CNTNAP4: variants seen among roughly 807,000 people sequenced by gnomAD.
The protein encoded by CNTNAP4 is contactin associated protein family member 4, also known as contactin-associated protein-like 4.
A neutral mutation model predicts 148.4 loss-of-function variants in CNTNAP4; 98 were observed. The observed-to-expected ratio is 0.66, with a 90% CI of 0.56 to 0.78. CNTNAP4 has a LOEUF of 0.78. Among genes scored for constraint, CNTNAP4 ranks in the 30% least tolerant of loss-of-function variants. The pLI, the probability that CNTNAP4 is intolerant of heterozygous loss-of-function variation, is 0.00. For synonymous variants in CNTNAP4, 730 were observed against 565.1 expected (o/e 1.29, Z -4.14); for missense variants, 1,935 against 1,565.6 (o/e 1.24, Z -3.98).
rs1278992559 is a variant in CNTNAP4, at chr16:76,277,767, T to C, written c.85+20T>C. 2 of 1,481,318 alleles carry C rather than the reference T, an allele frequency of 1.4e-6. No individual in the cohort carries two copies. Among genetic ancestry groups the C allele is most frequent in the South Asian group, 1.2e-5 (1 of 84,042 alleles). 91.8% of individuals were successfully genotyped at this position (1,481,318 alleles called of 1,614,324 possible). On this transcript the variant is annotated intron_variant, in intron 1 of 23. Coordinates refer to ENST00000611870, the MANE Select transcript of CNTNAP4 (RefSeq NM_033401.5). ...ATTCCTGTAAGTATACAGCAAATGA[T>C]TTAAAACTTGCTGGGGGGCTCTCTG...
intron 21 of CNTNAP4, among the ~76,000 whole-genome samples, chr16:76,545,806 G>A (rs2084697109): frequency 6.6e-6 from 1 of 152,176 alleles, no homozygotes; most frequent in Non-Finnish European, 1.5e-5. Context: ...GGGAGGCCGA[G>A]GTGGATGGAT....
chr16:76,448,757 C>T lies in CNTNAP4; in HGVS notation c.743-10C>T, dbSNP rs760646138. On this transcript the variant is annotated splice_polypyrimidine_tract_variant and intron_variant, in intron 5 of 23. Transcript: ENST00000611870. ...CAATAATGGTGCTGTTATTTTTCTCCTCTTCTAAGGTGAAGCTAAACTGCC... is the reference window on the plus strand; with the variant it reads ...CAATAATGGTGCTGTTATTTTTCTCTTCTTCTAAGGTGAAGCTAAACTGCC... 5 of 1,551,610 alleles carry T rather than the reference C, an allele frequency of 3.2e-6. No homozygotes were observed. Among genetic ancestry groups the T allele is most frequent in the Non-Finnish European group, 1.7e-6 (2 of 1,149,942 alleles).
In CNTNAP4 at chr16:76,558,571, A is replaced by G. The variant is rs1195133774; in HGVS notation, c.3815A>G (p.Lys1272Arg). 6.2e-7 allele frequency: 1 copy of G among 1,612,894 alleles called. No homozygotes were observed. Among genetic ancestry groups the G allele is most frequent in the East Asian group, 2.2e-5 (1 of 44,866 alleles). Residue 1272 changes from lysine (K) to arginine (R), a missense_variant, in exon 24 of 24, where the codon AAA (lysine) becomes AGA (arginine). Transcript: ENST00000611870. ...ATTTATCAGCAGAAAAGGTTATATA[A>G]AAGAAGTGAGGCAAAAAGGTCAGAG... ...VRIYQQKRLY[K>R]RSEAKRSENV...
intron 3 of CNTNAP4, among the ~76,000 whole-genome samples, chr16:76,378,115 A>G (rs1195503949): frequency 6.6e-6 from 1 of 152,110 alleles, no homozygotes; most frequent in Non-Finnish European, 1.5e-5. Flanking sequence ...TCTTTTGTTT[A>G]TTGGAGATTC....
chr16:76,546,667 A>G (rs2084748196), intron 21 of CNTNAP4, among the ~76,000 whole-genome samples: 1 of 152,184 alleles, frequency 6.6e-6, no homozygotes, highest in South Asian at 2.1e-4. Flanking sequence ...ATGCACTTGA[A>G]TCATCCCAAA....
intron 13 of CNTNAP4, among the ~76,000 whole-genome samples, chr16:76,493,014 C>G (rs2082279255): frequency 6.6e-6 from 1 of 151,204 alleles, no homozygotes; most frequent in African/African-American, 2.4e-5. Context: ...AAAGTCAACT[C>G]CAGAAAGGCA....
intron 3 of CNTNAP4, among the ~76,000 whole-genome samples, chr16:76,418,639 A>T (rs867068389): frequency 6.6e-6 from 1 of 151,568 alleles, no homozygotes; most frequent in Middle Eastern, 3.2e-3. Context: ...CATATCAATC[A>T]TAGTTGTTTT....
At chr16:76,439,130 T>C (rs1409395739) in intron 4 of CNTNAP4, among the ~76,000 whole-genome samples, 1 of 152,154 alleles carries the variant, frequency 6.6e-6, no homozygotes, top group African/African-American at 2.4e-5. Flanking sequence ...AGGCCAGGTG[T>C]GTTCACTGTA....
intron 2 of CNTNAP4, among the ~76,000 whole-genome samples, chr16:76,320,028 C>G (rs913971318): frequency 5.3e-5 from 8 of 152,218 alleles, no homozygotes; most frequent in East Asian, 3.9e-4. Context: ...GAGTAATGAG[C>G]AAAGGTTGGA....
chr16:76,401,134 G>A (rs2078402086), intron 3 of CNTNAP4, among the ~76,000 whole-genome samples: 1 of 152,014 alleles, frequency 6.6e-6, no homozygotes, highest in Non-Finnish European at 1.5e-5. Flanking sequence ...TGGGCAGTAC[G>A]GCCATTTTAA....
At chr16:76,523,888 C>G (rs1315554623) in intron 17 of CNTNAP4, among the ~76,000 whole-genome samples, 1 of 152,158 alleles carries the variant, frequency 6.6e-6, no homozygotes, top group Non-Finnish European at 1.5e-5. Flanking sequence ...TATGATCACG[C>G]TACTGCACTC....
chr16:76,556,163 A>G (rs528386801), intron 23 of CNTNAP4, among the ~76,000 whole-genome samples: 1 of 152,182 alleles, frequency 6.6e-6, no homozygotes, highest in Non-Finnish European at 1.5e-5. Flanking sequence ...AAGATGGGAT[A>G]ATTTATTTAA....
chr16:76,524,304 A>G (rs2083617441), intron 17 of CNTNAP4, among the ~76,000 whole-genome samples: 1 of 152,218 alleles, frequency 6.6e-6, no homozygotes, highest in Non-Finnish European at 1.5e-5. Context: ...ATAACACGCT[A>G]GAAGCTCAGT....
chr16:76,320,245 G>C (rs1248859648), intron 2 of CNTNAP4, among the ~76,000 whole-genome samples: 1 of 152,158 alleles, frequency 6.6e-6, no homozygotes, highest in African/African-American at 2.4e-5. Flanking sequence ...ATTAGATCTT[G>C]TAAACAATGA....
At position 76,546,187 on chromosome 16, in the gene CNTNAP4, A is replaced by C. The variant is rs150934357; in HGVS notation, c.3442+5397A>C. ...GGAAGGGATTGGCTGGGGTGTGAAC[A>C]TGGAACCTGTGAAGTGGAGAGAGGG... On this transcript the variant is annotated intron_variant, in intron 21 of 23. Coordinates refer to ENST00000611870, the MANE Select transcript of CNTNAP4 (RefSeq NM_033401.5). Among the ~76,000 whole-genome samples, 722 of 152,318 alleles carry C rather than the reference A, an allele frequency of 4.7e-3. 6 individuals carry two copies. Among genetic ancestry groups the C allele is most frequent in the African/African-American group, 0.017 (701 of 41,566 alleles).
intron 3 of CNTNAP4, among the ~76,000 whole-genome samples, chr16:76,371,185 C>T (rs2014775912): frequency 6.6e-6 from 1 of 152,214 alleles, no homozygotes; most frequent in Non-Finnish European, 1.5e-5. Flanking sequence ...AAACATCTTA[C>T]AGATGATCAA....
intron 7 of CNTNAP4, among the ~76,000 whole-genome samples, chr16:76,451,810 T>C (rs2080492729): frequency 6.6e-6 from 1 of 152,118 alleles, no homozygotes; most frequent in Non-Finnish European, 1.5e-5. Context: ...AATTCTAGTT[T>C]TCAATAGCAC....
At chr16:76,450,409 C>A (rs1378503641) in intron 7 of CNTNAP4, among the ~76,000 whole-genome samples, 1 of 152,184 alleles carries the variant, frequency 6.6e-6, no homozygotes, top group Admixed American at 6.5e-5. Flanking sequence ...CTCAGCCTCC[C>A]AAAGTGCTGG....
At position 76,449,791 on chromosome 16, in the gene CNTNAP4, A is replaced by G; in HGVS notation, c.1004A>G (p.Asn335Ser). The change falls in exon 7 of 24, where the codon AAT (asparagine) becomes AGT (serine). Residue 335 changes from asparagine to serine, a missense_variant. By Grantham distance (46) the Asn-to-Ser change is conservative. Coordinates refer to ENST00000611870, the MANE Select transcript of CNTNAP4 (RefSeq NM_033401.5). The part of the protein sequence containing the change: ...PHRNFHGCLE[N>S]LYYNGVDIID... The stretch of plus-strand genomic sequence containing the variant: ...AGAAATTTTCATGGATGTTTAGAAA[A>G]TCTCTATTATAATGGAGTGGATATC... 1 of 1,601,448 alleles carries G rather than the reference A, an allele frequency of 6.2e-7. No individual in the cohort carries two copies. Among genetic ancestry groups the G allele is most frequent in the African/African-American group, 1.3e-5 (1 of 74,804 alleles).
Sources: gnomAD v4.1 joint callset for allele counts (sites outside exome capture counted in the v4.1 genomes callset) on GRCh38, gnomAD v4.1.1 for gene constraint, MANE v1.5 for transcripts, NCBI Gene and HGNC (gene_info 2026-07-23, HGNC 2026-07-21) for gene names.